Variants in PWWP2A observed in about 807,000 individuals in gnomAD.
PWWP2A encodes PWWP domain containing 2A.
PWWP2A carries 18 observed loss-of-function variants against 48.5 expected under a neutral mutation model. The observed-to-expected ratio is 0.37, with a 90% CI of 0.26 to 0.55. PWWP2A has a LOEUF of 0.55. PWWP2A is among the 20% of genes least tolerant of loss of function. The pLI is 0.81. For synonymous variants in PWWP2A, 396 were observed against 387.7 expected (o/e 1.02, Z -0.25); for missense variants, 867 against 976.4 (o/e 0.89, Z 1.49).
intron 1 of PWWP2A, among the ~76,000 whole-genome samples, chr5:160,100,752 T>C (rs1304681893): frequency 1.3e-5 from 2 of 152,376 alleles, no homozygotes; most frequent in Admixed American, 6.5e-5. Flanking sequence ...TCATATTTCA[T>C]CTCTTTGTGA....
At chr5:160,064,973 G>A (rs1753556764) in intron 4 of PWWP2A, 1 of 1,613,700 alleles carries the variant, frequency 6.2e-7, no homozygotes, top group African/African-American at 1.3e-5. Flanking sequence ...CCGACCTTTT[G>A]GGCTCTCCAC....
chr5:160,091,983 CAT>C lies in PWWP2A; in HGVS notation c.*397_*398del, dbSNP rs1476742222. ...TCATATATATATATGTGTATATATA[CAT>C]ATATATGTGTGTATATATACATACA... On this transcript the variant is annotated 3_prime_UTR_variant, in exon 2 of 2. Coordinates refer to ENST00000307063, the MANE Select transcript of PWWP2A (RefSeq NM_001130864.2). 18 of 707,596 alleles carry C rather than the reference CAT, an allele frequency of 2.5e-5. No individual in the cohort carries two copies. Among genetic ancestry groups the C allele is most frequent in the African/African-American group, 9.1e-5 (4 of 43,786 alleles). The allele number at this position is 707,596 out of a possible 1,614,324, so 43.8% of individuals were successfully genotyped here.
downstream of PWWP2A, among the ~76,000 whole-genome samples, chr5:160,059,594 T>C (rs1444908691): frequency 2.0e-5 from 3 of 152,244 alleles, no homozygotes; most frequent in South Asian, 2.1e-4. Flanking sequence ...GGATTATTAA[T>C]TGACCTAATT....
chr5:160,070,348 T>C lies in PWWP2A; in HGVS notation c.*80-3477A>G, dbSNP rs146844535. On this transcript the variant is annotated intron_variant and NMD_transcript_variant, in intron 2 of 5. Transcript: ENST00000524050. ...CCAAGCAAGGCATGGTGGCACATGC[T>C]TTCAGCCCCAGCTAGTTGGGAGGCT... is the stretch of plus-strand genomic sequence containing the variant. Among the ~76,000 whole-genome samples the C allele has an allele frequency of 7.6e-3, 1,153 of 151,750 alleles. 17 individuals carry two copies. The highest frequency in any genetic ancestry group is 0.027 in the African/African-American group (1,104 of 41,376).
intron 4 of PWWP2A, chr5:160,065,678 C>T (rs1753585868): frequency 1.8e-5 from 5 of 276,712 alleles, no homozygotes; most frequent in South Asian, 1.7e-4. Flanking sequence ...GTTTTTGTTG[C>T]CTTGAAGATT....
chr5:160,063,321 ATCC>A (rs1753488436), intron 5 of PWWP2A, among the ~76,000 whole-genome samples: 3 of 152,058 alleles, frequency 2.0e-5, no homozygotes, highest in African/African-American at 7.2e-5. Flanking sequence ...GGCTCAAGCA[ATCC>A]TCCTAACTCA....
the PWWP2A span, among the ~76,000 whole-genome samples, chr5:160,056,105 G>C: frequency 6.6e-6 from 1 of 152,142 alleles, no homozygotes; most frequent in Admixed American, 6.5e-5. Flanking sequence ...GAGCTGCCAG[G>C]TGCCTATCCC....
At chr5:160,058,570 C>G (rs759867506), downstream of PWWP2A, among the ~76,000 whole-genome samples, 51 of 151,950 alleles carry the variant, frequency 3.4e-4, no homozygotes, top group Non-Finnish European at 5.7e-4. Context: ...ACCACCAAGC[C>G]CGGCTAATTT....
chr5:160,066,327 C>T (rs909853183), intron 4 of PWWP2A, among the ~76,000 whole-genome samples: 2 of 38,056 alleles, frequency 5.3e-5, no homozygotes, highest in Admixed American at 2.6e-4. Flanking sequence ...AGGGGGGTCT[C>T]GCTCTGTCAC....
At chr5:160,048,268 A>G in the PWWP2A span, among the ~76,000 whole-genome samples, 4 of 151,236 alleles carry the variant, frequency 2.6e-5, no homozygotes, top group East Asian at 7.8e-4. Flanking sequence ...TCTTATGCCT[A>G]AACCACCCAA....
intron 1 of PWWP2A, among the ~76,000 whole-genome samples, chr5:160,112,346 G>C (rs545470856): frequency 5.3e-5 from 8 of 151,962 alleles, no homozygotes; most frequent in African/African-American, 1.9e-4. Flanking sequence ...TCAGCCTCCT[G>C]AGTAGCTGGG....
chr5:160,087,040 T>C (rs928677058), downstream of PWWP2A, among the ~76,000 whole-genome samples: 8 of 152,020 alleles, frequency 5.3e-5, no homozygotes, highest in Non-Finnish European at 1.0e-4. Context: ...GTAAGTGCAG[T>C]CACACTAATT....
chr5:160,113,107 G>A (rs1158562909), intron 1 of PWWP2A: 7 of 419,076 alleles, frequency 1.7e-5, no homozygotes, highest in Admixed American at 6.5e-5. Flanking sequence ...GCAGTGAGCC[G>A]AAGTCCCGCC....
At chr5:160,049,642 C>G in the PWWP2A span, 10 of 1,586,064 alleles carry the variant, frequency 6.3e-6, no homozygotes, top group South Asian at 1.1e-4. Flanking sequence ...ATCAATACAT[C>G]AAGCAAGAGA....
chr5:160,072,476 C>T (rs1753760831), downstream of PWWP2A, among the ~76,000 whole-genome samples: 1 of 152,178 alleles, frequency 6.6e-6, no homozygotes, highest in South Asian at 2.1e-4. Flanking sequence ...GCCTGTAATC[C>T]CAGCACCTGC....
intron 2 of PWWP2A, among the ~76,000 whole-genome samples, chr5:160,069,429 TG>T (rs530237721): frequency 5.4e-4 from 83 of 152,352 alleles, no homozygotes; most frequent in Middle Eastern, 3.4e-3. Flanking sequence ...CACCTCACCC[TG>T]GAGTTTCTGG....
At chr5:160,064,848 C>A in intron 4 of PWWP2A, 2 of 1,395,992 alleles carry the variant, frequency 1.4e-6, no homozygotes, top group East Asian at 2.3e-5. Context: ...ATATTTTGTA[C>A]TCAGTGGTAA....
Position 160,093,332 on chromosome 5 carries a change from G to A in PWWP2A, c.1318C>T (p.Gln440Ter). The change falls in exon 2 of 2, where the codon CAA becomes TAA. Residue 440 changes from glutamine to a stop codon, truncating the protein, a stop_gained. Coordinates refer to ENST00000307063, the MANE Select transcript of PWWP2A (RefSeq NM_001130864.2). LOFTEE classifies it high-confidence loss of function. The surrounding 1 kb of genome is among the most constrained non-coding windows in gnomAD (Gnocchi z 5.8). Reference sequence around the variant, plus strand: ...GTAGAGGTTTCATTTTGCTTCTTTTGTGCCTTTTCTTTGGCAATTTTTAAC... The same window carrying A: ...GTAGAGGTTTCATTTTGCTTCTTTTATGCCTTTTCTTTGGCAATTTTTAAC... ...EVLKIAKEKA[Q>*]KKQNETSTSK... 1 of 1,613,822 alleles carries A rather than the reference G, an allele frequency of 6.2e-7. No individual in the cohort carries two copies. Among genetic ancestry groups the A allele is most frequent in the East Asian group, 2.2e-5 (1 of 44,884 alleles).
chr5:160,067,220 CAAGAT>C (rs1021211296), intron 2 of PWWP2A, among the ~76,000 whole-genome samples: 2 of 151,914 alleles, frequency 1.3e-5, no homozygotes, highest in African/African-American at 4.8e-5. Flanking sequence ...CAGTCACTGA[CAAGAT>C]AACAGTGAAA....
Sources: allele counts gnomAD v4.1 joint callset (sites outside exome capture counted in the v4.1 genomes callset), GRCh38; gene constraint gnomAD v4.1.1; non-coding constraint Gnocchi (gnomAD v3.1); transcripts MANE v1.5; gene names NCBI Gene and HGNC (gene_info 2026-07-23, HGNC 2026-07-21).